PTK2: variants seen among roughly 807,000 people sequenced by gnomAD.
PTK2 encodes the protein focal adhesion kinase 1.
PTK2 carries 45 observed loss-of-function variants against 150.1 expected under a neutral mutation model. The ratio of observed to expected loss-of-function variants is 0.30; its 90% CI spans 0.24 to 0.38. PTK2 has a LOEUF of 0.38. Ranked by LOEUF, PTK2 falls within the 10% of genes least tolerant of loss-of-function variation. The pLI is 1.00. For synonymous variants in PTK2, 432 were observed against 449.2 expected, an observed-to-expected ratio of 0.96 and a Z score of 0.48; for missense variants, 919 against 1,307.3, an observed-to-expected ratio of 0.70 and a Z score of 4.58.
intron 1 of PTK2, among the ~76,000 whole-genome samples, chr8:140,951,048 T>C (rs1009820009): frequency 2.0e-5 from 3 of 152,102 alleles, no homozygotes; most frequent in African/African-American, 7.2e-5. Flanking sequence ...TCTGCCCATA[T>C]GCTATAAAAG....
At chr8:140,672,016 T>A (rs947218181) in intron 29 of PTK2, 7 of 358,290 alleles carry the variant, frequency 2.0e-5, no homozygotes, top group Non-Finnish European at 3.8e-5. Context: ...TCATACCCTA[T>A]CCTAATTGTA....
intron 22 of PTK2, among the ~76,000 whole-genome samples, chr8:140,727,561 G>A (rs1375261404): frequency 6.6e-6 from 1 of 151,016 alleles, no homozygotes; most frequent in Non-Finnish European, 1.5e-5. Flanking sequence ...AGGAATTTTG[G>A]AAGCAAATAC....
intron 7 of PTK2, among the ~76,000 whole-genome samples, chr8:140,837,167 T>C (rs570520243): frequency 8.3e-4 from 126 of 152,310 alleles, no homozygotes; most frequent in African/African-American, 2.2e-3. Context: ...AAAAGTCTTG[T>C]CTGTTTTGCA....
chr8:140,842,696 G>C (rs2100123032), intron 7 of PTK2, among the ~76,000 whole-genome samples: 1 of 152,058 alleles, frequency 6.6e-6, no homozygotes, highest in East Asian at 1.9e-4. Context: ...CACACAAGTT[G>C]TATAACTGCA....
chr8:140,679,027 T>G (rs1470504811), intron 27 of PTK2, among the ~76,000 whole-genome samples: 21 of 113,184 alleles, frequency 1.9e-4, no homozygotes, highest in African/African-American at 9.0e-4. Context: ...TTTTTTTTTT[T>G]TTTTTTTTTT....
At chr8:140,864,528 T>TC (rs1676153899) in intron 4 of PTK2, 129 bp from the exon 5 acceptor site, 2 of 496,856 alleles carry the variant, frequency 4.0e-6, no homozygotes, top group Admixed American at 4.0e-5. Flanking sequence ...AAAGCTATCA[T>TC]CAATTAATCT....
At chr8:140,851,530 T>C (rs549703343) in intron 5 of PTK2, among the ~76,000 whole-genome samples, 2 of 152,302 alleles carry the variant, frequency 1.3e-5, no homozygotes, top group African/African-American at 2.4e-5. Flanking sequence ...TTGTTGTCCA[T>C]TTATAATGGT....
chr8:140,927,940 G>GAAAA (rs779534564), intron 1 of PTK2, among the ~76,000 whole-genome samples: 3 of 36,264 alleles, frequency 8.3e-5, no homozygotes, highest in South Asian at 1.2e-3. Flanking sequence ...ATCTCAAAAA[G>GAAAA]AAAAAAAAAA....
chr8:140,961,648 C>G (rs541205790), intron 1 of PTK2, among the ~76,000 whole-genome samples: 1 of 148,750 alleles, frequency 6.7e-6, no homozygotes, highest in Non-Finnish European at 1.5e-5. Flanking sequence ...AGCGACACAG[C>G]GAGACTCCAT....
chr8:140,892,493 G>A, intron 2 of PTK2: 1 of 305,028 alleles, frequency 3.3e-6, no homozygotes, highest in Non-Finnish European at 6.4e-6. Flanking sequence ...CCGAGATCGT[G>A]CCACTGCTTT....
chr8:140,742,201 G>A (rs2100056128), intron 20 of PTK2, among the ~76,000 whole-genome samples: 1 of 152,176 alleles, frequency 6.6e-6, no homozygotes. Context: ...TTAGCAGCCT[G>A]CATATTTTTC....
intron 20 of PTK2, among the ~76,000 whole-genome samples, chr8:140,739,638 T>C (rs1390725194): frequency 6.6e-6 from 1 of 152,174 alleles, no homozygotes; most frequent in Non-Finnish European, 1.5e-5. Context: ...AACAACTCAT[T>C]CTGATAGGTT....
intron 5 of PTK2, among the ~76,000 whole-genome samples, chr8:140,850,237 C>T (rs2100128357): frequency 6.6e-6 from 1 of 151,868 alleles, no homozygotes; most frequent in African/African-American, 2.4e-5. Flanking sequence ...ACCAGCCTGG[C>T]CAACATGGTG....
chr8:140,849,291 C>A (rs2154604541), intron 5 of PTK2, among the ~76,000 whole-genome samples: 1 of 152,326 alleles, frequency 6.6e-6, no homozygotes, highest in African/African-American at 2.4e-5. Context: ...AGAGAGAAAG[C>A]AAACTCTATT....
intron 22 of PTK2, chr8:140,732,562 C>A (rs370432071): frequency 3.8e-6 from 2 of 529,402 alleles, no homozygotes; most frequent in African/African-American, 1.9e-5. Flanking sequence ...TTGGGCAACA[C>A]CGAGGTGAGT....
In PTK2 at chr8:140,800,374, A is replaced by C. The variant is rs897293384; in HGVS notation, c.1093+85T>G. The C allele has an allele frequency of 2.8e-6, 3 of 1,074,138 alleles. No homozygotes were observed. In the African/African-American group the frequency reaches 4.7e-5, roughly 17 times the overall value. The allele number at this position is 1,074,138 out of a possible 1,614,324, so 66.5% of individuals were successfully genotyped here. A position where few individuals can be genotyped will look rare whatever the true frequency, so the allele number is the denominator to read the frequency against. On this transcript the variant is annotated intron_variant, in intron 12 of 31. Coordinates refer to ENST00000522684, the Ensembl canonical transcript of PTK2. Reference sequence around the variant, plus strand: ...TGGTCTTCATTTTTACAGTTACCTAAAAGAGGATAACAGGCTGTTAGGGGC... The same window carrying C: ...TGGTCTTCATTTTTACAGTTACCTACAAGAGGATAACAGGCTGTTAGGGGC...
At chr8:140,961,674 G>GAA (rs548817956) in intron 1 of PTK2, among the ~76,000 whole-genome samples, 3 of 113,362 alleles carry the variant, frequency 2.6e-5, no homozygotes, top group Non-Finnish European at 5.7e-5. Context: ...AAAGAAAAAA[G>GAA]AAAAAAAAAA....
intron 14 of PTK2, among the ~76,000 whole-genome samples, chr8:140,780,351 T>C (rs1595334145): frequency 6.6e-6 from 1 of 151,952 alleles, no homozygotes; most frequent in African/African-American, 2.4e-5. Context: ...AGTCTTAACA[T>C]CACAAAGAAC....
intron 1 of PTK2, among the ~76,000 whole-genome samples, chr8:140,964,983 C>T (rs775781725): frequency 5.9e-5 from 9 of 152,150 alleles, no homozygotes; most frequent in Non-Finnish European, 1.3e-4. Context: ...TTTGATGGTC[C>T]TGCTATCATG....
Sources: gnomAD v4.1 joint callset for allele counts (sites outside exome capture counted in the v4.1 genomes callset) on GRCh38, gnomAD v4.1.1 for gene constraint, MANE v1.5 for transcripts, NCBI Gene and HGNC (gene_info 2026-07-23, HGNC 2026-07-21) for gene names.